The following CLUH variants were observed in gnomAD, a reference collection of about 807,000 sequenced individuals.
CLUH encodes clustered mitochondria protein homolog.
In CLUH, 77 loss-of-function variants were observed where a neutral mutation model predicts 139.3. The ratio of observed to expected loss-of-function variants is 0.55; its 90% CI spans 0.46 to 0.67. The LOEUF is 0.67. CLUH is among the 30% of genes least tolerant of loss of function. CLUH has a pLI of 0.00. For missense variants in CLUH, 1,876 were observed against 1,875.8 expected (o/e 1.00, Z 0.00); for synonymous variants, 999 against 801.6 (o/e 1.25, Z -4.16).
chr17:2,709,482 ATAAGCCCC>A (rs1389519155), intron 1 of CLUH, among the ~76,000 whole-genome samples: 1 of 151,974 alleles, frequency 6.6e-6, no homozygotes, highest in African/African-American at 2.4e-5. Context: ...CGGAGCTCCC[ATAAGCCCC>A]TAGACTCCTT....
upstream of CLUH, chr17:2,711,769 C>T: frequency 2.9e-6 from 1 of 344,116 alleles, no homozygotes; most frequent in Non-Finnish European, 4.1e-6. Context: ...GTCACCGGCC[C>T]ACGTGGTGCG....
chr17:2,697,814 A>AACCCCGGACCCAACCCC, intron 10 of CLUH, 82 bp downstream of exon 10: 2 of 1,319,296 alleles, frequency 1.5e-6, no homozygotes. Flanking sequence ...TCTCCCTTCA[A>AACCCCGGACCCAACCCC]GGACCCAACC....
At chr17:2,696,348 C>T in intron 12 of CLUH, 86 bp downstream of exon 12, 1 of 1,506,910 alleles carries the variant, frequency 6.6e-7, no homozygotes. Context: ...AGATGGGGGA[C>T]AAACCCACCA....
intron 16 of CLUH, 48 bp from the exon 17 acceptor site, chr17:2,694,612 C>T (rs2069854553): frequency 2.7e-6 from 4 of 1,501,102 alleles, no homozygotes; most frequent in South Asian, 1.2e-5. Context: ...CGCCGGGCCC[C>T]CCCAACACCG....
intron 19 of CLUH, among the ~76,000 whole-genome samples, chr17:2,693,141 C>CAATAAAAAAAAAAAAAAAAA (rs1555529823): frequency 1.1e-4 from 8 of 73,786 alleles, no homozygotes; most frequent in South Asian, 1.6e-3. Context: ...AAAAATGTTA[C>CAATAAAAAAAAAAAAAAAAA]AAAAAAAAAA....
At chr17:2,697,697 G>A (rs1475709765) in intron 10 of CLUH, among the ~76,000 whole-genome samples, 199 bp downstream of exon 10, 5 of 152,168 alleles carry the variant, frequency 3.3e-5, no homozygotes, top group Non-Finnish European at 5.9e-5. Flanking sequence ...GGCTGCTCGC[G>A]AGTCTGCAGC....
chr17:2,694,465 G>A lies in CLUH; in HGVS notation c.2937+15C>T, dbSNP rs2069847324. The A allele has an allele frequency of 3.8e-6, 6 of 1,563,144 alleles. No individual in the cohort carries two copies. Among genetic ancestry groups the A allele is most frequent in the Non-Finnish European group, 5.2e-6 (6 of 1,152,820 alleles). Reference sequence around the variant, plus strand: ...ACAGCGGGGACACAGCGGGGATGCTGTGAGCCATGCCCACCTGGATCCCTG... The same window carrying A: ...ACAGCGGGGACACAGCGGGGATGCTATGAGCCATGCCCACCTGGATCCCTG... On this transcript the variant is annotated intron_variant, in intron 17 of 25. Transcript: ENST00000651024.
chr17:2,692,822 C>T lies in CLUH; in HGVS notation c.3270G>A (p.Glu1090=), dbSNP rs2069759335. ...SNQQKAVLMS[E]RVMGTEHPNT... is the part of the protein sequence containing the mutation. ...TGGGGTGCTCGGTGCCCATCACCCGCTCGCTCATCAGCACCGCCTTCTGCT... is the reference window on the plus strand; with the variant it reads ...TGGGGTGCTCGGTGCCCATCACCCGTTCGCTCATCAGCACCGCCTTCTGCT... Residue 1090 remains glutamate (E), a synonymous_variant, in exon 20 of 26, where the codon GAG becomes GAA. Coordinates refer to ENST00000651024, the MANE Select transcript of CLUH (RefSeq NM_001366661.1). The T allele has an allele frequency of 6.2e-7, 1 of 1,604,506 alleles. No homozygotes were observed.
In CLUH at chr17:2,694,509, G is replaced by A. The variant is rs1429903193; in HGVS notation, c.2908C>T (p.Arg970Trp). 3 of 1,583,746 alleles carry A rather than the reference G, an allele frequency of 1.9e-6. No individual in the cohort carries two copies. Among genetic ancestry groups the A allele is most frequent in the East Asian group, 2.3e-5 (1 of 43,370 alleles). ...ATCCCTGTTTTCAGCGAGATCTCCC[G>A]CAGGAGCGTTATCTTCTGCAGGCCG... ...TYGLQKITLL[R>W]EISLKTGIQV... Residue 970 changes from arginine to tryptophan, a missense_variant, in exon 17 of 26, where the codon CGG (arginine) becomes TGG (tryptophan). Arg to Trp is a moderately radical substitution (Grantham distance 101). Around this residue, in one of 3 missense-constraint regions of CLUH, gnomAD observed 1,454 missense variants for 1,384.4 expected, o/e 1.05. Coordinates refer to ENST00000651024, the MANE Select transcript of CLUH (RefSeq NM_001366661.1).
In CLUH at chr17:2,696,900, C is replaced by T. The variant is rs757438808; in HGVS notation, c.2004G>A (p.Gln668=). The T allele has an allele frequency of 5.6e-6, 9 of 1,608,944 alleles. 1 individual carries two copies. The South Asian group carries it at 1.0e-4, about 18-fold the overall frequency. The part of the protein sequence containing the change: ...FMKLAALQLM[Q]QNASQLETPS... ...GGGTCTCCAGCTGGCTGGCGTTCTG[C>T]TGCATCAGCTGCAAGGCGGCCAGCT... Residue 668 remains glutamine, a synonymous_variant, in exon 11 of 26, where the codon CAG becomes CAA. Coordinates refer to ENST00000651024, the MANE Select transcript of CLUH (RefSeq NM_001366661.1).
chr17:2,692,247 C>T, intron 22 of CLUH, 114 bp downstream of exon 22: 1 of 1,441,494 alleles, frequency 6.9e-7, no homozygotes, highest in Non-Finnish European at 9.2e-7. Context: ...AGGGGGAGGT[C>T]GAGAGAAATT....
chr17:2,694,691 T>G (rs2069860836), intron 16 of CLUH, 127 bp from the exon 17 acceptor site: 8 of 1,291,072 alleles, frequency 6.2e-6, no homozygotes, highest in Non-Finnish European at 8.3e-6. Context: ...CCCGGGAGCC[T>G]CCCGGCTGCC....
chr17:2,701,481 T>C lies in CLUH; in HGVS notation c.784A>G (p.Asn262Asp). ...ATCTTCCGGTTCCCCGGGGGCGGGT[T>C]CCATCCGCTCATGGTGAGTACTTTC... is the stretch of plus-strand genomic sequence containing the variant. The part of the protein sequence containing the change: ...CLKVLTMSGW[N>D]PPPGNRKMHG... Residue 262 changes from asparagine (N) to aspartate (D), a missense_variant, in exon 6 of 26, where the codon AAC (asparagine) becomes GAC (aspartate). Asn to Asp is a conservative substitution (Grantham distance 23). Around this residue, in one of 3 missense-constraint regions of CLUH, gnomAD observed 270 missense variants for 354.7 expected, o/e 0.76. Transcript: ENST00000651024. 1 of 1,613,864 alleles carries C rather than the reference T, an allele frequency of 6.2e-7. No individual in the cohort carries two copies. The highest frequency in any genetic ancestry group is 2.2e-5 in the East Asian group (1 of 44,882).
At chr17:2,694,433 CG>C in intron 17 of CLUH, 46 bp downstream of exon 17, 1 of 77,356 alleles carries the variant, frequency 1.3e-5, no homozygotes, top group South Asian at 1.1e-3. Context: ...AGGGACGCAG[CG>C]GGGACACAGC....
intron 23 of CLUH, 44 bp from the exon 24 acceptor site, chr17:2,691,939 G>T (rs1206461973): frequency 9.4e-7 from 1 of 1,061,458 alleles, no homozygotes; most frequent in African/African-American, 2.2e-5. Flanking sequence ...GTGCCCCCGC[G>T]GCCCCGCCCC....
rs759143067 is a variant in CLUH at position 2,694,289 on chromosome 17, C to A, written c.2938-13G>T. ...CCTTCAGCAGGACCTGGGGGGCAGCCCCCCCACCACAGGAAGCCTCAGGCC... is the reference window on the plus strand; with the variant it reads ...CCTTCAGCAGGACCTGGGGGGCAGCACCCCCACCACAGGAAGCCTCAGGCC... On this transcript the variant is annotated splice_polypyrimidine_tract_variant and intron_variant, in intron 17 of 25. Coordinates refer to ENST00000651024, the MANE Select transcript of CLUH (RefSeq NM_001366661.1). The A allele has an allele frequency of 7.5e-5, 118 of 1,570,874 alleles. No individual in the cohort carries two copies. The highest frequency in any genetic ancestry group is 1.0e-4 in the Non-Finnish European group (116 of 1,156,568).
In CLUH at chr17:2,706,137, C is replaced by T. The variant is rs914713860; in HGVS notation, c.101-1573G>A. 1.3e-5 allele frequency among the ~76,000 whole-genome samples: 2 copies of T among 152,096 alleles called. No homozygotes were observed. Among genetic ancestry groups the T allele is most frequent in the South Asian group, 2.1e-4 (1 of 4,832 alleles). ...CCCTTCCCCACCCGGCTCTCAGGAG[C>T]GGGGACAGGTGCCTTTCCCAGAACT... is the stretch of plus-strand genomic sequence containing the variant. On this transcript the variant is annotated intron_variant, in intron 1 of 25. Coordinates refer to ENST00000651024, the MANE Select transcript of CLUH (RefSeq NM_001366661.1). This position sits in a 1 kb window ranked among gnomAD's most constrained non-coding sequence, Gnocchi z 4.6.
rs1597628290 is a variant in CLUH at position 2,707,672 on chromosome 17, A to C, written c.101-3108T>G. 1 of 985,184 alleles carries C rather than the reference A, an allele frequency of 1.0e-6. No individual in the cohort carries two copies. Among genetic ancestry groups the C allele is most frequent in the Non-Finnish European group, 1.2e-6 (1 of 829,892 alleles). 61.0% of individuals were successfully genotyped at this position (985,184 alleles called of 1,614,324 possible). A position where few individuals can be genotyped will look rare whatever the true frequency, so the allele number is the denominator to read the frequency against. ...GGGTCCTCTCCTCCGCTCCCATCCCAGTGGGGGTGAACAGGACCGCTTCTG... is the reference window on the plus strand; with the variant it reads ...GGGTCCTCTCCTCCGCTCCCATCCCCGTGGGGGTGAACAGGACCGCTTCTG... On this transcript the variant is annotated intron_variant, in intron 1 of 25. Coordinates refer to ENST00000651024, the MANE Select transcript of CLUH (RefSeq NM_001366661.1). The surrounding 1 kb of genome is among the most constrained non-coding windows in gnomAD (Gnocchi z 7.4).
At chr17:2,690,957 C>G (rs1269096021) in intron 25 of CLUH, among the ~76,000 whole-genome samples, 180 bp from the exon 26 acceptor site, 1 of 152,136 alleles carries the variant, frequency 6.6e-6, no homozygotes, top group Non-Finnish European at 1.5e-5. Flanking sequence ...GTAAGGACCC[C>G]GCACCTGACC....
Sources: gnomAD v4.1 joint callset for allele counts (sites outside exome capture counted in the v4.1 genomes callset) on GRCh38, gnomAD v4.1.1 for gene constraint, gnomAD v4.1.1 regional missense constraint, Gnocchi (gnomAD v3.1) non-coding constraint, MANE v1.5 for transcripts, NCBI Gene and HGNC (gene_info 2026-07-23, HGNC 2026-07-21) for gene names.